The following RALGPS2 variants were observed in gnomAD, a reference collection of about 807,000 sequenced individuals.
RALGPS2 encodes ras-specific guanine nucleotide-releasing factor RalGPS2.
In RALGPS2, 43 loss-of-function variants were observed where a neutral mutation model predicts 86.8. That is an observed-to-expected ratio of 0.50 (90% confidence interval 0.39 to 0.64). The LOEUF (loss-of-function observed/expected upper bound fraction) is 0.64. RALGPS2 is among the 30% of genes least tolerant of loss of function. The pLI, the probability that RALGPS2 is intolerant of heterozygous loss-of-function variation, is 0.00. For synonymous variants in RALGPS2, 243 were observed against 231.3 expected (o/e 1.05, Z -0.46); for missense variants, 536 against 694.6 (o/e 0.77, Z 2.57).
At chr1:178,902,320 C>A in intron 18 of RALGPS2, 109 bp downstream of exon 18, 1 of 797,070 alleles carries the variant, frequency 1.3e-6, no homozygotes, top group Non-Finnish European at 2.0e-6. Flanking sequence ...TTTATGCATA[C>A]ATGAAGAACT....
At chr1:178,879,483 T>C (rs1167892427) in intron 10 of RALGPS2, 2 of 152,430 alleles carry the variant, frequency 1.3e-5, no homozygotes, top group Non-Finnish European at 1.5e-5. Context: ...CCCTGTATTA[T>C]AGCAAGTTCT....
chr1:178,884,990 A>G, intron 11 of RALGPS2, 86 bp from the exon 12 acceptor site: 2 of 1,377,174 alleles, frequency 1.5e-6, no homozygotes, highest in Non-Finnish European at 1.9e-6. Context: ...GTACTATCTC[A>G]AAATTTGAAC....
At chr1:178,815,266 A>G (rs1655172718) in intron 6 of RALGPS2, among the ~76,000 whole-genome samples, 1 of 150,888 alleles carries the variant, frequency 6.6e-6, no homozygotes, top group Non-Finnish European at 1.5e-5. Context: ...TTTTTTTTTT[A>G]GTAGGACAGG....
intron 15 of RALGPS2, 29 bp from the exon 16 acceptor site, chr1:178,893,890 C>A: frequency 7.0e-7 from 1 of 1,437,780 alleles, no homozygotes; most frequent in South Asian, 1.2e-5. Context: ...GACAAAAGCT[C>A]TTATGTGTTC....
At chr1:178,875,336 G>T (rs1572439585) in intron 8 of RALGPS2, among the ~76,000 whole-genome samples, 1 of 152,290 alleles carries the variant, frequency 6.6e-6, no homozygotes, top group East Asian at 1.9e-4. Flanking sequence ...GTGTACTATT[G>T]TATGTTTCTC....
intron 8 of RALGPS2, among the ~76,000 whole-genome samples, chr1:178,859,401 CTTTTTT>C (rs543947031): frequency 8.1e-6 from 1 of 122,900 alleles, no homozygotes; most frequent in Non-Finnish European, 1.7e-5. Flanking sequence ...CCAAGTTTAA[CTTTTTT>C]TTTTTTTTTT....
intron 13 of RALGPS2, among the ~76,000 whole-genome samples, chr1:178,886,808 A>G (rs1378455987): frequency 6.6e-6 from 1 of 152,232 alleles, no homozygotes; most frequent in Non-Finnish European, 1.5e-5. Flanking sequence ...ACAAAAGCCC[A>G]GTAGATGAAG....
intron 17 of RALGPS2, among the ~76,000 whole-genome samples, chr1:178,898,906 A>T (rs535586648): frequency 6.6e-6 from 1 of 152,024 alleles, no homozygotes; most frequent in East Asian, 1.9e-4. Context: ...TTTTGCTAGA[A>T]CAATTTGTAG....
chr1:178,849,522 A>G (rs938879196), intron 8 of RALGPS2, among the ~76,000 whole-genome samples: 3 of 152,222 alleles, frequency 2.0e-5, no homozygotes, highest in Admixed American at 6.5e-5. Flanking sequence ...ATGAAATGAT[A>G]TACTGCTTTC....
intron 1 of RALGPS2, among the ~76,000 whole-genome samples, chr1:178,766,714 CTGTG>C (rs1652526714): frequency 1.3e-5 from 2 of 152,244 alleles, no homozygotes; most frequent in South Asian, 4.1e-4. Flanking sequence ...AATCGGATGA[CTGTG>C]TGTCTTGGGG....
rs904370699 is a variant in RALGPS2, at chr1:178,904,379, G to A, written c.1630+2168G>A. The stretch of plus-strand genomic sequence containing the variant: ...AATTAGGTCCCAACTATTTATCTTT[G>A]TTTTTATTGCATTTGCTTTTGGGTT... On this transcript the variant is annotated intron_variant, in intron 18 of 19. Transcript: ENST00000367635. Among the ~76,000 whole-genome samples, 5 of 152,106 alleles carry A rather than the reference G, an allele frequency of 3.3e-5. No individual in the cohort carries two copies. In the East Asian group the frequency reaches 9.6e-4, roughly 29 times the overall value.
chr1:178,851,240 G>A, intron 8 of RALGPS2: 4 of 1,613,912 alleles, frequency 2.5e-6, no homozygotes, highest in Non-Finnish European at 3.4e-6. Flanking sequence ...GGCCTCCTCT[G>A]TACCATACTC....
chr1:178,865,213 GTTA>G, intron 8 of RALGPS2: 1 of 1,614,046 alleles, frequency 6.2e-7, no homozygotes, highest in Non-Finnish European at 8.5e-7. Context: ...TCACAGATTG[GTTA>G]TTGACAAGAT....
chr1:178,853,862 T>G, intron 8 of RALGPS2: 1 of 1,233,508 alleles, frequency 8.1e-7, no homozygotes, highest in Non-Finnish European at 1.1e-6. Context: ...TAATCAAGAT[T>G]TTTACCTTTG....
intron 6 of RALGPS2, among the ~76,000 whole-genome samples, chr1:178,820,679 G>A (rs1028787938): frequency 4.6e-5 from 7 of 151,996 alleles, no homozygotes; most frequent in Admixed American, 3.9e-4. Flanking sequence ...TTCTTGATAG[G>A]TCTTTTTCAT....
Position 178,815,895 on chromosome 1 carries a change from A to G in RALGPS2, c.387+4491A>G, listed in dbSNP as rs573012018. Among the ~76,000 whole-genome samples, 38 of 152,352 alleles carry G rather than the reference A, an allele frequency of 2.5e-4. No homozygotes were observed. In the Middle Eastern group the frequency reaches 0.01, roughly 41 times the overall value. On this transcript the variant is annotated intron_variant, in intron 6 of 19. Transcript: ENST00000367635. ...TACTCTTGCTCACCATGTTGTTGAG[A>G]TTCATCCACATTGCATGTTATTGAT...
intron 8 of RALGPS2, among the ~76,000 whole-genome samples, chr1:178,845,705 T>A (rs1656835995): frequency 6.6e-6 from 1 of 152,190 alleles, no homozygotes; most frequent in Admixed American, 6.5e-5. Flanking sequence ...GTTATTTTGT[T>A]TTGTTTTTGG....
chr1:178,902,438 G>A (rs1254583970), intron 18 of RALGPS2, among the ~76,000 whole-genome samples: 1 of 151,988 alleles, frequency 6.6e-6, no homozygotes, highest in African/African-American at 2.4e-5. Context: ...AATAATATTT[G>A]TGGAGCTTAT....
At chr1:178,834,688 T>C (rs76997523) in intron 8 of RALGPS2, among the ~76,000 whole-genome samples, 3,728 of 152,334 alleles carry the variant, frequency 0.024, 146 homozygotes, top group African/African-American at 0.085. Flanking sequence ...AGCATGACTC[T>C]TATCAGAGAG....
Sources: gnomAD v4.1 joint callset for allele counts (sites outside exome capture counted in the v4.1 genomes callset) on GRCh38, gnomAD v4.1.1 for gene constraint, MANE v1.5 for transcripts, NCBI Gene and HGNC (gene_info 2026-07-23, HGNC 2026-07-21) for gene names.